The following PMP22 variants were observed in gnomAD, a reference collection of about 807,000 sequenced individuals.
PMP22 encodes peripheral myelin protein 22, also known as Charcot-Marie-Tooth neuropathy 1A (greatly reduced nerve conduction velocity, hereditary motor sensory neuropathy Ia).
In PMP22, 2 loss-of-function variants were observed where a neutral mutation model predicts 18.9. That is an observed-to-expected ratio of 0.11 (90% CI 0.04 to 0.33). PMP22 has a LOEUF of 0.33. Ranked by LOEUF, PMP22 falls within the 10% of genes least tolerant of loss-of-function variation. PMP22 has a pLI of 1.00. For synonymous variants in PMP22, 95 were observed against 89.2 expected (o/e 1.07, Z -0.37); for missense variants, 169 against 202.2 (o/e 0.84, Z 1.00).
At position 15,259,272 on chromosome 17, in the gene PMP22, G is replaced by C. The variant is rs544909623; in HGVS notation, c.79-79C>G. The C allele has an allele frequency of 1.5e-5, 18 of 1,217,284 alleles. No homozygotes were observed. The South Asian group carries it at 2.0e-4, about 13-fold the overall frequency. 75.4% of individuals were successfully genotyped at this position (1,217,284 alleles called of 1,614,324 possible). A position where few individuals can be genotyped will look rare whatever the true frequency, so the allele number is the denominator to read the frequency against. ...AAAAGGGGAAGGAGAAAGGCCCAGG[G>C]ATGGCGAAAAGCACCCGCATCCACC... On this transcript the variant is annotated intron_variant, in intron 2 of 4. Transcript: ENST00000312280.
rs1908405005 is a variant in PMP22 at position 15,252,095 on chromosome 17, G to A, written c.178+6999C>T. 1.3e-5 allele frequency among the ~76,000 whole-genome samples: 2 copies of A among 152,072 alleles called. 1 individual carries two copies. Among genetic ancestry groups the A allele is most frequent in the South Asian group, 4.2e-4 (2 of 4,808 alleles). The stretch of plus-strand genomic sequence containing the variant: ...TAGAGATTATGGGTTGGCTGAGGGA[G>A]CCACGAAGATTTTAAAATGTAAAAC... On this transcript the variant is annotated intron_variant, in intron 3 of 4. Coordinates refer to ENST00000312280, the MANE Select transcript of PMP22 (RefSeq NM_000304.4).
chr17:15,250,198 G>A (rs1252307869), intron 3 of PMP22, among the ~76,000 whole-genome samples: 4 of 152,270 alleles, frequency 2.6e-5, no homozygotes, highest in Admixed American at 2.6e-4. Context: ...GATTATAGGC[G>A]TGAGCCACCG....
chr17:15,241,324 T>A lies in PMP22; in HGVS notation c.179-1713A>T, dbSNP rs183051719. Among the ~76,000 whole-genome samples the A allele has an allele frequency of 1.3e-3, 202 of 152,338 alleles. 1 individual carries two copies. The highest frequency in any genetic ancestry group is 4.7e-3 in the African/African-American group (197 of 41,588). The stretch of plus-strand genomic sequence containing the variant: ...GAGGAGCACTTTGCAATAAAGATAA[T>A]GTTCTCATAATATTGTTTGCTTAAA... On this transcript the variant is annotated intron_variant, in intron 3 of 4. Coordinates refer to ENST00000312280, the MANE Select transcript of PMP22 (RefSeq NM_000304.4).
chr17:15,262,998 G>C (rs1326611540), intron 1 of PMP22, among the ~76,000 whole-genome samples: 1 of 152,228 alleles, frequency 6.6e-6, no homozygotes, highest in African/African-American at 2.4e-5. Context: ...CTTGAGCGCT[G>C]GAAGAAGTCC....
intron 3 of PMP22, among the ~76,000 whole-genome samples, chr17:15,250,808 G>A (rs1908272144): frequency 6.6e-6 from 1 of 152,134 alleles, no homozygotes; most frequent in Non-Finnish European, 1.5e-5. Flanking sequence ...GCACTTACGT[G>A]AGCTGTTTGT....
At chr17:15,242,947 T>TA (rs929632041) in intron 3 of PMP22, among the ~76,000 whole-genome samples, 18 of 151,748 alleles carry the variant, frequency 1.2e-4, no homozygotes, top group East Asian at 1.9e-4. Flanking sequence ...TTCCTCGGAT[T>TA]AAAAAAAACA....
In PMP22 at chr17:15,249,776, A is replaced by T. The variant is rs189623752; in HGVS notation, c.178+9318T>A. On this transcript the variant is annotated intron_variant, in intron 3 of 4. Coordinates refer to ENST00000312280, the MANE Select transcript of PMP22 (RefSeq NM_000304.4). Reference sequence around the variant, plus strand: ...GAGAGACGGGGGTCACCCTGCAGTCATTGTCCAGGAGGCACTGTGGAGATT... The same window carrying T: ...GAGAGACGGGGGTCACCCTGCAGTCTTTGTCCAGGAGGCACTGTGGAGATT... 5.3e-5 allele frequency among the ~76,000 whole-genome samples: 8 copies of T among 152,304 alleles called. No homozygotes were observed. The East Asian group carries it at 7.7e-4, about 15-fold the overall frequency.
Position 15,260,639 on chromosome 17 carries a change from C to G in PMP22, c.78+11G>C, listed in dbSNP as rs1909236539. On this transcript the variant is annotated intron_variant, in intron 2 of 4. Transcript: ENST00000312280. ...CGGGCCGCGCAGGGAGCCTCCCCGCCAGGCACTCACGCTGACGATCGTGGA... is the reference window on the plus strand; with the variant it reads ...CGGGCCGCGCAGGGAGCCTCCCCGCGAGGCACTCACGCTGACGATCGTGGA... 4.5e-6 allele frequency: 7 copies of G among 1,550,890 alleles called. No individual in the cohort carries two copies. In the South Asian group the frequency reaches 5.9e-5, roughly 13 times the overall value.
intron 1 of PMP22, among the ~76,000 whole-genome samples, chr17:15,263,604 C>CACAT (rs1909517107): frequency 6.6e-6 from 1 of 151,462 alleles, no homozygotes; most frequent in Non-Finnish European, 1.5e-5. Context: ...CACACACACA[C>CACAT]TTCCCTACCT....
intron 3 of PMP22, among the ~76,000 whole-genome samples, chr17:15,256,021 T>C (rs1356371190): frequency 6.6e-6 from 1 of 152,134 alleles, no homozygotes; most frequent in Non-Finnish European, 1.5e-5. Flanking sequence ...TCATAACGAA[T>C]ATCCCCACAC....
rs533987307 is a variant in PMP22 at position 15,230,674 on chromosome 17, G to A, written c.*243C>T. 84 of 535,106 alleles carry A rather than the reference G, an allele frequency of 1.6e-4. No individual in the cohort carries two copies. Among genetic ancestry groups the A allele is most frequent in the Middle Eastern group, 1.0e-3 (2 of 1,938 alleles). 33.1% of individuals were successfully genotyped at this position (535,106 alleles called of 1,614,324 possible). A position where few individuals can be genotyped will look rare whatever the true frequency, so the allele number is the denominator to read the frequency against. On this transcript the variant is annotated 3_prime_UTR_variant, in exon 5 of 5. Coordinates refer to ENST00000312280, the MANE Select transcript of PMP22 (RefSeq NM_000304.4). ...CTTTAAGGCTCAACACGAGGCTGATGGTCAACATAAAAAGCAAACAATACT... is the reference window on the plus strand; with the variant it reads ...CTTTAAGGCTCAACACGAGGCTGATAGTCAACATAAAAAGCAAACAATACT...
intron 4 of PMP22, among the ~76,000 whole-genome samples, chr17:15,233,492 C>T (rs1438694023): frequency 6.6e-6 from 1 of 152,016 alleles, no homozygotes; most frequent in Non-Finnish European, 1.5e-5. Context: ...GCTCCTTTAA[C>T]AGTGACTGCA....
rs536785156 is a variant in PMP22 at position 15,251,429 on chromosome 17, C to A, written c.178+7665G>T. Among the ~76,000 whole-genome samples, 10 of 152,072 alleles carry A rather than the reference C, an allele frequency of 6.6e-5. No homozygotes were observed. In the East Asian group the frequency reaches 2.0e-3, roughly 30 times the overall value. On this transcript the variant is annotated intron_variant, in intron 3 of 4. Transcript: ENST00000312280. ...TGTGCACCCCATTTCTAGAACAGTG[C>A]CCAGTACATAGGACAGGCTCAATAG...
At chr17:15,254,959 C>CAAT (rs1375843857) in intron 3 of PMP22, among the ~76,000 whole-genome samples, 7 of 152,030 alleles carry the variant, frequency 4.6e-5, no homozygotes, top group Admixed American at 4.6e-4. Context: ...AACTCTGTCT[C>CAAT]AATAATAATA....
At chr17:15,239,434 C>T (rs1213720346) in intron 4 of PMP22, 37 bp downstream of exon 4, 2 of 1,612,042 alleles carry the variant, frequency 1.2e-6, no homozygotes, top group Non-Finnish European at 1.7e-6. Flanking sequence ...CTTGGATGCA[C>T]CCCGCTTCCA....
chr17:15,262,706 C>T (rs1452522996), intron 1 of PMP22: 1 of 152,436 alleles, frequency 6.6e-6, no homozygotes, highest in African/African-American at 2.4e-5. Context: ...GTCACTTGGC[C>T]TTAAATGCGC....
intron 3 of PMP22, among the ~76,000 whole-genome samples, chr17:15,250,482 G>T (rs1348220929): frequency 6.6e-6 from 1 of 152,152 alleles, no homozygotes; most frequent in Non-Finnish European, 1.5e-5. Flanking sequence ...CTAAGCCAAA[G>T]ACTTCTAAAT....
At chr17:15,242,555 C>G (rs1597612239) in intron 3 of PMP22, among the ~76,000 whole-genome samples, 2 of 151,794 alleles carry the variant, frequency 1.3e-5, no homozygotes, top group African/African-American at 4.8e-5. Context: ...AATAACATGG[C>G]CTGAAAAAGT....
chr17:15,260,842 C>T, intron 1 of PMP22, 81 bp from the exon 2 acceptor site: 2 of 996,856 alleles, frequency 2.0e-6, no homozygotes, highest in South Asian at 2.7e-5. Context: ...GTCCCGCGCA[C>T]TAGCGGAAGG....
Sources: allele counts gnomAD v4.1 joint callset (sites outside exome capture counted in the v4.1 genomes callset), GRCh38; gene constraint gnomAD v4.1.1; transcripts MANE v1.5; gene names NCBI Gene and HGNC (gene_info 2026-07-23, HGNC 2026-07-21).